Variants in KIAA0825 observed in about 807,000 individuals in gnomAD.
KIAA0825 encodes uncharacterized protein KIAA0825.
Under a neutral mutation model 147.6 loss-of-function variants are expected in KIAA0825, and 119 were observed. The observed-to-expected ratio is 0.81, with a 90% CI of 0.69 to 0.94. The LOEUF (loss-of-function observed/expected upper bound fraction) is 0.94. KIAA0825 is among the 40% of genes least tolerant of loss of function. The pLI, the probability that KIAA0825 is intolerant of heterozygous loss-of-function variation, is 0.00. For synonymous variants in KIAA0825, 470 were observed against 518.1 expected, an observed-to-expected ratio of 0.91 and a Z score of 1.26; for missense variants, 1,381 against 1,472.7, an observed-to-expected ratio of 0.94 and a Z score of 1.02.
intron 20 of KIAA0825, among the ~76,000 whole-genome samples, chr5:94,236,354 T>C (rs1368504140): frequency 1.3e-5 from 2 of 152,178 alleles, no homozygotes; most frequent in Non-Finnish European, 2.9e-5. Context: ...GCAGGAGAAC[T>C]TGAATTAAAA....
intron 16 of KIAA0825, 30 bp from the exon 17 acceptor site, chr5:94,396,539 T>C: frequency 2.1e-6 from 3 of 1,454,518 alleles, no homozygotes; most frequent in Non-Finnish European, 1.8e-6. Flanking sequence ...GTATGATTAA[T>C]ATTAGCATTT....
intron 20 of KIAA0825, among the ~76,000 whole-genome samples, chr5:94,320,655 CT>C (rs2150242629): frequency 6.6e-6 from 1 of 152,118 alleles, no homozygotes; most frequent in South Asian, 2.1e-4. Context: ...AACTTGCTGT[CT>C]ATCTACCCCT....
At chr5:94,256,116 C>G (rs1001242253) in intron 20 of KIAA0825, among the ~76,000 whole-genome samples, 2 of 151,936 alleles carry the variant, frequency 1.3e-5, no homozygotes, top group Non-Finnish European at 2.9e-5. Context: ...AGTCAAGGAC[C>G]ATTGGGGTTG....
intron 2 of KIAA0825, among the ~76,000 whole-genome samples, chr5:94,577,784 T>C (rs1055321950): frequency 2.0e-5 from 3 of 152,232 alleles, no homozygotes; most frequent in African/African-American, 4.8e-5. Context: ...TTGGAGACCA[T>C]TCAACCTTTA....
chr5:94,440,160 A>G, intron 13 of KIAA0825, 39 bp from the exon 14 acceptor site: 1 of 1,538,424 alleles, frequency 6.5e-7, no homozygotes, highest in Non-Finnish European at 8.8e-7. Context: ...AATGAAGTTA[A>G]TTTATCTATG....
intron 5 of KIAA0825, among the ~76,000 whole-genome samples, chr5:94,512,414 A>C (rs1766618672): frequency 6.6e-6 from 1 of 152,120 alleles, no homozygotes; most frequent in Non-Finnish European, 1.5e-5. Context: ...GCTTATAAAC[A>C]TTTTAATATG....
chr5:94,406,837 C>A (rs1306184387), intron 15 of KIAA0825, among the ~76,000 whole-genome samples: 1 of 152,152 alleles, frequency 6.6e-6, no homozygotes, highest in African/African-American at 2.4e-5. Context: ...TGTCTTTTGA[C>A]CTATACACAA....
At chr5:94,168,758 C>T (rs146032486) in intron 20 of KIAA0825, among the ~76,000 whole-genome samples, 5 of 152,206 alleles carry the variant, frequency 3.3e-5, no homozygotes, top group African/African-American at 1.2e-4. Context: ...TATATACTGC[C>T]AGAACCATAT....
intron 20 of KIAA0825, among the ~76,000 whole-genome samples, chr5:94,334,763 T>C (rs1781635741): frequency 6.6e-6 from 1 of 152,154 alleles, no homozygotes; most frequent in Non-Finnish European, 1.5e-5. Context: ...GGATTACAGG[T>C]GTGAGTCACC....
chr5:94,187,217 A>C (rs1770199213), intron 20 of KIAA0825, among the ~76,000 whole-genome samples: 1 of 152,064 alleles, frequency 6.6e-6, no homozygotes, highest in African/African-American at 2.4e-5. Flanking sequence ...AGGAAGAAGA[A>C]AAGGTAAATC....
intron 6 of KIAA0825, among the ~76,000 whole-genome samples, chr5:94,480,452 T>C (rs1307179375): frequency 6.6e-6 from 1 of 152,032 alleles, no homozygotes; most frequent in Admixed American, 6.6e-5. Context: ...AGGGACAAAG[T>C]TGGATTCTGA....
intron 13 of KIAA0825, among the ~76,000 whole-genome samples, chr5:94,448,109 T>C (rs1414880043): frequency 1.3e-5 from 2 of 151,436 alleles, no homozygotes; most frequent in Non-Finnish European, 2.9e-5. Flanking sequence ...ATGCACAATA[T>C]GGTATCTGTG....
intron 20 of KIAA0825, among the ~76,000 whole-genome samples, chr5:94,216,078 C>A (rs1773165554): frequency 6.6e-6 from 1 of 152,052 alleles, no homozygotes; most frequent in African/African-American, 2.4e-5. Context: ...GAAGATAAGC[C>A]AACTCATCCC....
At chr5:94,490,678 A>G in intron 5 of KIAA0825, among the ~76,000 whole-genome samples, 1 of 151,996 alleles carries the variant, frequency 6.6e-6, no homozygotes, top group East Asian at 1.9e-4. Flanking sequence ...GTCTATATAT[A>G]TTTGTAAATA....
Position 94,298,273 on chromosome 5 carries a change from G to A in KIAA0825, c.3710+86095C>T, listed in dbSNP as rs148017598. 5.2e-3 allele frequency among the ~76,000 whole-genome samples: 796 copies of A among 152,108 alleles called. 5 individuals are homozygous for A. Among genetic ancestry groups the A allele is most frequent in the African/African-American group, 0.018 (760 of 41,522 alleles). On this transcript the variant is annotated intron_variant, in intron 20 of 20. Transcript: ENST00000682413. ...AAAAAAAAAAGTAAGAATGGCGGGT[G>A]TTAAGAGTGATCTACTCCAGGTGTC...
chr5:94,156,825 T>C (rs1767067543), intron 20 of KIAA0825, among the ~76,000 whole-genome samples: 1 of 152,168 alleles, frequency 6.6e-6, no homozygotes, highest in African/African-American at 2.4e-5. Context: ...TTTTCCTTAA[T>C]AGTTTTACTC....
At position 94,471,450 on chromosome 5, in the gene KIAA0825, T is replaced by C; in HGVS notation, c.1721+16A>G. ...TCTTTAAGCGTGGCCATCATCTTAA[T>C]TTAAACAACACTCACTTTTTAGTCA... On this transcript the variant is annotated intron_variant, in intron 9 of 20. Coordinates refer to ENST00000682413, the MANE Select transcript of KIAA0825 (RefSeq NM_001145678.3). 1 of 1,549,472 alleles carries C rather than the reference T, an allele frequency of 6.5e-7. No homozygotes were observed. Among genetic ancestry groups the C allele is most frequent in the Non-Finnish European group, 8.7e-7 (1 of 1,145,290 alleles).
At chr5:94,385,639 T>C (rs941063935) in intron 19 of KIAA0825, among the ~76,000 whole-genome samples, 3 of 152,206 alleles carry the variant, frequency 2.0e-5, no homozygotes, top group Admixed American at 1.3e-4. Context: ...GTGTAACTAC[T>C]GAAACATGCG....
chr5:94,173,137 CTCTT>C (rs1768787195), intron 20 of KIAA0825, among the ~76,000 whole-genome samples: 1 of 151,994 alleles, frequency 6.6e-6, no homozygotes, highest in African/African-American at 2.4e-5. Flanking sequence ...CTATATCATG[CTCTT>C]TCTGTTACCA....
Sources: gnomAD v4.1 joint callset for allele counts (sites outside exome capture counted in the v4.1 genomes callset) on GRCh38, gnomAD v4.1.1 for gene constraint, MANE v1.5 for transcripts, NCBI Gene and HGNC (gene_info 2026-07-23, HGNC 2026-07-21) for gene names.